WAC: variants seen among roughly 807,000 people sequenced by gnomAD.
WAC encodes the protein WW domain containing adaptor with coiled-coil.
A neutral mutation model predicts 79.6 loss-of-function variants in WAC; 11 were observed. The ratio of observed to expected loss-of-function variants is 0.14; its 90% CI spans 0.09 to 0.23. The LOEUF (loss-of-function observed/expected upper bound fraction) is 0.23. Among genes scored for constraint, WAC ranks in the 10% least tolerant of loss-of-function variants. The pLI, the probability that WAC is intolerant of heterozygous loss-of-function variation, is 1.00. For synonymous variants in WAC, 304 were observed against 276.9 expected, an observed-to-expected ratio of 1.10 and a Z score of -0.97; for missense variants, 728 against 773.5, an observed-to-expected ratio of 0.94 and a Z score of 0.70.
chr10:28,604,152 A>G (rs921043951), intron 7 of WAC, among the ~76,000 whole-genome samples: 39 of 151,302 alleles, frequency 2.6e-4, no homozygotes, highest in African/African-American at 9.5e-4. Flanking sequence ...AGCTTTATGA[A>G]TATAGCATAA....
chr10:28,588,172 G>A (rs1161786435), intron 4 of WAC, among the ~76,000 whole-genome samples: 1 of 152,122 alleles, frequency 6.6e-6, no homozygotes, highest in Admixed American at 6.6e-5. Flanking sequence ...CCGTAGAAGG[G>A]ATCAGTTGCA....
intron 7 of WAC, among the ~76,000 whole-genome samples, chr10:28,598,031 G>C (rs187413017): frequency 6.6e-6 from 1 of 152,128 alleles, no homozygotes; most frequent in Admixed American, 6.5e-5. Flanking sequence ...GCCTCCCAAC[G>C]TGCTGGGATT....
chr10:28,541,349 C>G (rs1321670165), intron 3 of WAC, among the ~76,000 whole-genome samples: 3 of 146,606 alleles, frequency 2.0e-5, no homozygotes, highest in Admixed American at 6.9e-5. Flanking sequence ...ATACCAGGCA[C>G]TAGATATAAC....
intron 3 of WAC, among the ~76,000 whole-genome samples, chr10:28,566,253 G>C (rs1838601406): frequency 6.6e-6 from 1 of 152,128 alleles, no homozygotes; most frequent in African/African-American, 2.4e-5. Context: ...AGTGAGTATT[G>C]TGTGTGCACG....
intron 3 of WAC, among the ~76,000 whole-genome samples, chr10:28,573,061 A>T (rs1252096040): frequency 6.6e-6 from 1 of 152,124 alleles, no homozygotes; most frequent in African/African-American, 2.4e-5. Context: ...TCACTAAAGG[A>T]GTGGCTCTTA....
chr10:28,535,882 C>T, intron 3 of WAC, 125 bp downstream of exon 3: 1 of 851,496 alleles, frequency 1.2e-6, no homozygotes, highest in Admixed American at 3.4e-5. Flanking sequence ...TATTTTAATC[C>T]TATCATTTTT....
chr10:28,593,390 A>T (rs1840195400), intron 6 of WAC, among the ~76,000 whole-genome samples: 1 of 152,166 alleles, frequency 6.6e-6, no homozygotes, highest in Non-Finnish European at 1.5e-5. Flanking sequence ...GAAGATTTTT[A>T]CATGTAAAGA....
intron 3 of WAC, among the ~76,000 whole-genome samples, chr10:28,541,843 A>C (rs963252803): frequency 6.6e-6 from 1 of 152,076 alleles, no homozygotes; most frequent in African/African-American, 2.4e-5. Context: ...ACCTTTTCTT[A>C]GCTTGAATTC....
chr10:28,536,333 G>GA (rs1836672369), intron 3 of WAC, among the ~76,000 whole-genome samples: 1 of 151,846 alleles, frequency 6.6e-6, no homozygotes, highest in African/African-American at 2.4e-5. Flanking sequence ...TTAAGGATGG[G>GA]AAAAATGCAG....
In WAC at chr10:28,621,389, A is replaced by C. The variant is rs1411660048; in HGVS notation, c.*1783A>C. ...AGCATATATTGAAAGTATGGAAGTT[A>C]AATGTTCAGGCTTTTCAGTAAGCTC... On this transcript the variant is annotated 3_prime_UTR_variant, in exon 14 of 14. Transcript: ENST00000354911. The C allele has an allele frequency of 6.6e-6, 1 of 152,132 alleles. No homozygotes were observed. The highest frequency in any genetic ancestry group is 1.5e-5 in the Non-Finnish European group (1 of 68,022). 9.4% of individuals were successfully genotyped at this position (152,132 alleles called of 1,614,324 possible).
intron 3 of WAC, among the ~76,000 whole-genome samples, chr10:28,562,471 C>CAT (rs1838356208): frequency 6.6e-6 from 1 of 151,988 alleles, no homozygotes; most frequent in East Asian, 1.9e-4. Flanking sequence ...ATTTTTTGGT[C>CAT]TGATATAGTG....
At position 28,617,938 on chromosome 10, in the gene WAC, T is replaced by C. The variant is rs1841543048; in HGVS notation, c.1874+154T>C. ...CACTGCATTTTCATAAGTTAATATTTCTCGTGAAGGATAAAGCCTGTCGAT... is the reference window on the plus strand; with the variant it reads ...CACTGCATTTTCATAAGTTAATATTCCTCGTGAAGGATAAAGCCTGTCGAT... On this transcript the variant is annotated intron_variant, in intron 13 of 13. Transcript: ENST00000354911. The C allele has an allele frequency of 6.6e-6, 6 of 904,874 alleles. No homozygotes were observed. The South Asian group carries it at 9.1e-5, about 14-fold the overall frequency. The allele number at this position is 904,874 out of a possible 1,614,324, so 56.1% of individuals were successfully genotyped here.
At chr10:28,597,815 A>G (rs1237536794) in intron 7 of WAC, among the ~76,000 whole-genome samples, 1 of 152,006 alleles carries the variant, frequency 6.6e-6, no homozygotes, top group Non-Finnish European at 1.5e-5. Context: ...ATTCTCACCC[A>G]CCCACCCATT....
At position 28,533,366 on chromosome 10, in the gene WAC, G is replaced by A; in HGVS notation, c.-214G>A. 6.4e-6 allele frequency: 1 copy of A among 155,630 alleles called. No homozygotes were observed. Among genetic ancestry groups the A allele is most frequent in the South Asian group, 1.8e-4 (1 of 5,686 alleles). 9.6% of individuals were successfully genotyped at this position (155,630 alleles called of 1,614,324 possible). On this transcript the variant is annotated 5_prime_UTR_variant, in exon 1 of 14. Coordinates refer to ENST00000354911, the MANE Select transcript of WAC (RefSeq NM_016628.5). ...GCGGTGCCGCCGTGTAGTTGGCGCCGCTGCCCCGGCTGAGAGTGAGCGTGG... is the reference window on the plus strand; with the variant it reads ...GCGGTGCCGCCGTGTAGTTGGCGCCACTGCCCCGGCTGAGAGTGAGCGTGG...
intron 6 of WAC, among the ~76,000 whole-genome samples, chr10:28,594,893 T>TC (rs1408290815): frequency 1.3e-5 from 2 of 152,220 alleles, no homozygotes; most frequent in African/African-American, 2.4e-5. Flanking sequence ...AAATTTTCGT[T>TC]CTTTTTGTAC....
chr10:28,566,405 C>G (rs745776911), intron 3 of WAC, among the ~76,000 whole-genome samples: 4 of 152,218 alleles, frequency 2.6e-5, no homozygotes, highest in East Asian at 3.9e-4. Context: ...ATTAAGTTGT[C>G]AAAATAAGCA....
At chr10:28,617,442 TAGAAG>T (rs758932597) in intron 12 of WAC, among the ~76,000 whole-genome samples, 15 of 152,346 alleles carry the variant, frequency 9.8e-5, no homozygotes, top group African/African-American at 1.9e-4. Flanking sequence ...TTCTCCAACT[TAGAAG>T]AGAAATATTA....
chr10:28,554,214 A>G (rs139975574), intron 3 of WAC, among the ~76,000 whole-genome samples: 56 of 152,282 alleles, frequency 3.7e-4, no homozygotes, highest in African/African-American at 1.2e-3. Flanking sequence ...GTTATATGCA[A>G]ATACTACACT....
At chr10:28,549,867 A>AAT (rs1837562885) in intron 3 of WAC, among the ~76,000 whole-genome samples, 1 of 152,148 alleles carries the variant, frequency 6.6e-6, no homozygotes, top group Non-Finnish European at 1.5e-5. Flanking sequence ...TTGAAGTTTA[A>AAT]AGAGTTTTAA....
Sources: gnomAD v4.1 joint callset for allele counts (sites outside exome capture counted in the v4.1 genomes callset) on GRCh38, gnomAD v4.1.1 for gene constraint, MANE v1.5 for transcripts, NCBI Gene and HGNC (gene_info 2026-07-23, HGNC 2026-07-21) for gene names.